The following PKIB variants were observed in gnomAD, a reference collection of about 807,000 sequenced individuals.
PKIB encodes PKI-beta.
In PKIB, 2 loss-of-function variants were observed where a neutral mutation model predicts 4.5. The ratio of observed to expected loss-of-function variants is 0.44; its 90% CI spans 0.18 to 1.39. PKIB has a LOEUF of 1.39. Among genes scored for constraint, PKIB ranks in the 40% most tolerant of loss-of-function variants. PKIB has a pLI of 0.27. For synonymous variants in PKIB, 38 were observed against 36.0 expected (o/e 1.06, Z -0.20); for missense variants, 94 against 92.6 (o/e 1.02, Z -0.06).
intron 2 of PKIB, among the ~76,000 whole-genome samples, chr6:122,670,507 GT>G (rs1777422226): frequency 7.4e-6 from 1 of 135,252 alleles, no homozygotes; most frequent in South Asian, 2.7e-4. Context: ...TTTTGTTGTT[GT>G]TGTTGTTGTT....
intron 2 of PKIB, among the ~76,000 whole-genome samples, chr6:122,541,677 C>T (rs1337113535): frequency 1.3e-5 from 2 of 151,698 alleles, no homozygotes; most frequent in Non-Finnish European, 1.5e-5. Flanking sequence ...TTGCTCTTCT[C>T]GAGGAGTATC....
chr6:122,556,989 G>A (rs1035602619), intron 2 of PKIB, among the ~76,000 whole-genome samples: 4 of 152,156 alleles, frequency 2.6e-5, no homozygotes, highest in Admixed American at 1.3e-4. Flanking sequence ...TGAAGTGGGT[G>A]GATTACTTGA....
chr6:122,482,610 G>A (rs1414554173), intron 2 of PKIB: 1 of 147,686 alleles, frequency 6.8e-6, no homozygotes, highest in Non-Finnish European at 1.5e-5. Flanking sequence ...GAGTGCAGTG[G>A]TGCGATCTCA....
intron 2 of PKIB, among the ~76,000 whole-genome samples, chr6:122,658,666 T>A (rs1776867973): frequency 6.6e-6 from 1 of 151,578 alleles, no homozygotes; most frequent in Non-Finnish European, 1.5e-5. Context: ...TGGGCAGAGG[T>A]CTTTCTGAAT....
intron 2 of PKIB, among the ~76,000 whole-genome samples, chr6:122,491,159 T>G (rs903239807): frequency 4.6e-5 from 7 of 152,136 alleles, no homozygotes; most frequent in Non-Finnish European, 1.0e-4. Context: ...ACCTTTTGAC[T>G]TGGGGTTTTA....
chr6:122,616,107 A>G (rs1024936362), intron 1 of PKIB, among the ~76,000 whole-genome samples: 1 of 152,134 alleles, frequency 6.6e-6, no homozygotes, highest in Non-Finnish European at 1.5e-5. Flanking sequence ...AAATATAATG[A>G]TGAGATCTCC....
At chr6:122,509,870 G>A (rs1052154400) in intron 2 of PKIB, among the ~76,000 whole-genome samples, 7 of 151,750 alleles carry the variant, frequency 4.6e-5, no homozygotes, top group Middle Eastern at 3.4e-3. Context: ...AATTGTAAAG[G>A]CAAGTCTGAG....
At chr6:122,715,877 G>A (rs1779471136) in intron 3 of PKIB, among the ~76,000 whole-genome samples, 1 of 151,992 alleles carries the variant, frequency 6.6e-6, no homozygotes, top group Non-Finnish European at 1.5e-5. Flanking sequence ...TGATTTGCAT[G>A]CCTGAGTGCT....
intron 2 of PKIB, among the ~76,000 whole-genome samples, chr6:122,516,198 T>A (rs954242779): frequency 2.0e-5 from 3 of 152,230 alleles, no homozygotes; most frequent in African/African-American, 7.2e-5. Context: ...AGTATCTGGC[T>A]TCCTGGAAGA....
intron 1 of PKIB, among the ~76,000 whole-genome samples, chr6:122,613,732 G>A (rs1774861083): frequency 6.6e-6 from 1 of 152,044 alleles, no homozygotes. Context: ...TTGGGAGGCT[G>A]AGGTGGGCGG....
intron 1 of PKIB, among the ~76,000 whole-genome samples, chr6:122,629,944 A>G (rs1775626615): frequency 6.6e-6 from 1 of 152,200 alleles, no homozygotes; most frequent in Non-Finnish European, 1.5e-5. Context: ...ATAAAAACTA[A>G]AGAGATATCA....
At chr6:122,611,773 C>G (rs1251285371) in intron 1 of PKIB, among the ~76,000 whole-genome samples, 1 of 152,146 alleles carries the variant, frequency 6.6e-6, no homozygotes, top group African/African-American at 2.4e-5. Context: ...CCATAATGCT[C>G]ACGGAAAATG....
intron 3 of PKIB, among the ~76,000 whole-genome samples, chr6:122,586,519 A>T (rs938928635): frequency 2.6e-5 from 4 of 152,238 alleles, no homozygotes; most frequent in African/African-American, 9.6e-5. Flanking sequence ...AAATGAAGAG[A>T]ATGTGTAGGC....
rs186639628 is a variant in PKIB, at chr6:122,668,615, C to T, written c.-75-6463C>T. On this transcript the variant is annotated intron_variant, in intron 2 of 4. Coordinates refer to ENST00000368452, the MANE Select transcript of PKIB (RefSeq NM_181795.3). ...TACAAAACAGAAATCTTCGGTCTGA[C>T]TTCTCCCTAAAAAATGTCCTCCTGG... 6.7e-3 allele frequency among the ~76,000 whole-genome samples: 1,021 copies of T among 152,284 alleles called. 11 individuals are homozygous for T. Among genetic ancestry groups the T allele is most frequent in the African/African-American group, 0.023 (950 of 41,560 alleles).
At position 122,628,594 on chromosome 6, in the gene PKIB, G is replaced by A. The variant is rs557347143; in HGVS notation, c.-160-4689G>A. Among the ~76,000 whole-genome samples, 34 of 152,268 alleles carry A rather than the reference G, an allele frequency of 2.2e-4. 1 individual carries two copies. The South Asian group carries it at 6.2e-3, about 28-fold the overall frequency. On this transcript the variant is annotated intron_variant, in intron 1 of 4. Transcript: ENST00000368452. ...ACATAGTGGATACAAAGTATGCCCT[G>A]TGCATTAATAGCTAGTATAAATGTT...
chr6:122,562,682 A>G (rs1180701805), intron 2 of PKIB, among the ~76,000 whole-genome samples: 1 of 151,818 alleles, frequency 6.6e-6, no homozygotes, highest in Admixed American at 6.6e-5. Context: ...TCTTTATTGG[A>G]TTGGGTTAAT....
intron 2 of PKIB, among the ~76,000 whole-genome samples, chr6:122,507,509 G>A (rs9385252): frequency 0.13 from 19,417 of 151,878 alleles, 1,364 homozygotes; most frequent in East Asian, 0.21. Context: ...GTTTTGTTGT[G>A]TCTTTAGGTG....
intron 2 of PKIB, among the ~76,000 whole-genome samples, chr6:122,505,481 A>G (rs2114568131): frequency 6.6e-6 from 1 of 152,292 alleles, no homozygotes; most frequent in Middle Eastern, 3.4e-3. Flanking sequence ...TGTCTTTCGC[A>G]TCTGTAGACT....
chr6:122,599,531 T>C (rs1489612428), intron 3 of PKIB, among the ~76,000 whole-genome samples: 1 of 152,188 alleles, frequency 6.6e-6, no homozygotes, highest in Non-Finnish European at 1.5e-5. Flanking sequence ...CAGGGCAATC[T>C]TAGCAGATTT....
Sources: gnomAD v4.1 joint callset for allele counts (sites outside exome capture counted in the v4.1 genomes callset) on GRCh38, gnomAD v4.1.1 for gene constraint, MANE v1.5 for transcripts, NCBI Gene and HGNC (gene_info 2026-07-23, HGNC 2026-07-21) for gene names.